TMEM131: variants seen among roughly 807,000 people sequenced by gnomAD.
The protein encoded by TMEM131 is 2610524E03Rik.
TMEM131 carries 66 observed loss-of-function variants against 211.6 expected under a neutral mutation model. That is an observed-to-expected ratio of 0.31 (90% confidence interval 0.26 to 0.38). The LOEUF is 0.38. Ranked by LOEUF, TMEM131 falls within the 10% of genes least tolerant of loss-of-function variation. The pLI, the probability that TMEM131 is intolerant of heterozygous loss-of-function variation, is 1.00. For synonymous variants in TMEM131, 844 were observed against 841.3 expected, an observed-to-expected ratio of 1.00 and a Z score of -0.06; for missense variants, 2,036 against 2,299.3, an observed-to-expected ratio of 0.89 and a Z score of 2.34.
intron 1 of TMEM131, among the ~76,000 whole-genome samples, chr2:97,932,013 GA>G (rs1324624077): frequency 2.6e-5 from 4 of 151,690 alleles, no homozygotes. Context: ...AAGCAAGTCT[GA>G]AAAACATAAG....
chr2:97,822,671 TC>T (rs1173338708), intron 11 of TMEM131, among the ~76,000 whole-genome samples: 1 of 152,156 alleles, frequency 6.6e-6, no homozygotes, highest in African/African-American at 2.4e-5. Context: ...TCCTTGGTCC[TC>T]CTTGTGGTCT....
In TMEM131 at chr2:97,818,768, G is replaced by A. The variant is rs2104996368; in HGVS notation, c.1075-47C>T. ...ATACATGGCATTATTTCAGACTAAT[G>A]GTTCAGTTGCCTTATACTTATACTG... On this transcript the variant is annotated intron_variant, in intron 11 of 40. Coordinates refer to ENST00000186436, the MANE Select transcript of TMEM131 (RefSeq NM_015348.2). The A allele has an allele frequency of 3.1e-6, 4 of 1,272,914 alleles. No individual in the cohort carries two copies. In the South Asian group the frequency reaches 5.2e-5, roughly 17 times the overall value. The allele number at this position is 1,272,914 out of a possible 1,614,324, so 78.9% of individuals were successfully genotyped here. A position where few individuals can be genotyped will look rare whatever the true frequency, so the allele number is the denominator to read the frequency against.
chr2:97,768,644 G>T (rs759748811), intron 33 of TMEM131, among the ~76,000 whole-genome samples: 2 of 152,200 alleles, frequency 1.3e-5, no homozygotes, highest in Non-Finnish European at 2.9e-5. Context: ...AGGCTGGAGT[G>T]CAGTGGCACG....
rs185844815 is a variant in TMEM131, at chr2:97,932,972, T to C, written c.188-5485A>G. 2.8e-3 allele frequency among the ~76,000 whole-genome samples: 427 copies of C among 152,360 alleles called. 11 individuals carry two copies. Among genetic ancestry groups the C allele is most frequent in the Admixed American group, 0.025 (383 of 15,300 alleles). ...ACTGTATTTACTGTACCCTTTTCTA[T>C]GTTTAGATACACGAAAACTTGCCAT... On this transcript the variant is annotated intron_variant, in intron 1 of 40. Transcript: ENST00000186436.
chr2:97,993,372 C>T (rs978414694), intron 1 of TMEM131, among the ~76,000 whole-genome samples: 3 of 152,122 alleles, frequency 2.0e-5, no homozygotes, highest in Admixed American at 2.0e-4. Context: ...TGTATTTGTG[C>T]CTCATCAGAT....
At chr2:97,775,698 C>T (rs1036979172) in intron 32 of TMEM131, 145 bp downstream of exon 32, 50 of 923,898 alleles carry the variant, frequency 5.4e-5, no homozygotes, top group Middle Eastern at 3.4e-4. Context: ...ACGCCCAGCA[C>T]AGGAACCATT....
chr2:97,781,862 T>A (rs1039203568), intron 31 of TMEM131, among the ~76,000 whole-genome samples: 1 of 152,184 alleles, frequency 6.6e-6, no homozygotes, highest in African/African-American at 2.4e-5. Context: ...AGCTATCTCT[T>A]GCCAAAGGTG....
Position 97,796,355 on chromosome 2 carries a change from T to C in TMEM131, c.3063A>G (p.Val1021=), listed in dbSNP as rs1230259267. The change falls in exon 28 of 41, where the codon GTA becomes GTG. Residue 1021 remains valine (V), a synonymous_variant. Coordinates refer to ENST00000186436, the MANE Select transcript of TMEM131 (RefSeq NM_015348.2). Reference sequence around the variant, plus strand: ...GAATTTGAAGTTGTCCTGTATTCTCTACCTTAAATGTTCTTTTCAATGTGA... The same window carrying C: ...GAATTTGAAGTTGTCCTGTATTCTCCACCTTAAATGTTCTTTTCAATGTGA... The part of the protein sequence containing the change: ...PNFTLKRTFK[V]ENTGQLQIHI... 1.3e-6 allele frequency: 2 copies of C among 1,545,400 alleles called. No individual in the cohort carries two copies. Among genetic ancestry groups the C allele is most frequent in the African/African-American group, 2.8e-5 (2 of 72,542 alleles).
chr2:97,882,117 A>G lies in TMEM131; in HGVS notation c.359+5935T>C, dbSNP rs146957390. Among the ~76,000 whole-genome samples the G allele has an allele frequency of 8.5e-4, 129 of 152,324 alleles. 1 individual carries two copies. The East Asian group carries it at 0.02, about 23-fold the overall frequency. ...AATTACTAAGCAAATTCTTTCAACCATATCTCTCTTCATTTTCTAGAGTCA... is the reference window on the plus strand; with the variant it reads ...AATTACTAAGCAAATTCTTTCAACCGTATCTCTCTTCATTTTCTAGAGTCA... On this transcript the variant is annotated intron_variant, in intron 4 of 40. Coordinates refer to ENST00000186436, the MANE Select transcript of TMEM131 (RefSeq NM_015348.2).
intron 29 of TMEM131, among the ~76,000 whole-genome samples, chr2:97,793,822 G>A (rs1449204585): frequency 2.0e-5 from 3 of 151,328 alleles, no homozygotes; most frequent in Admixed American, 1.3e-4. Context: ...GTGAAACCCC[G>A]TCTCTACTAA....
chr2:97,993,902 G>C (rs914242415), intron 1 of TMEM131, among the ~76,000 whole-genome samples: 1 of 152,200 alleles, frequency 6.6e-6, no homozygotes, highest in African/African-American at 2.4e-5. Flanking sequence ...AGCAGCAGTA[G>C]AAGGAAAATA....
chr2:97,803,755 G>C (rs1030986287), intron 22 of TMEM131, among the ~76,000 whole-genome samples: 2 of 152,206 alleles, frequency 1.3e-5, no homozygotes, highest in Non-Finnish European at 2.9e-5. Context: ...GGGACACAGA[G>C]AGGAGGGCAG....
intron 7 of TMEM131, among the ~76,000 whole-genome samples, chr2:97,839,015 A>G (rs532456751): frequency 6.6e-6 from 1 of 152,308 alleles, no homozygotes; most frequent in Non-Finnish European, 1.5e-5. Context: ...GCAAACAAGC[A>G]TAACAATGCT....
chr2:97,956,733 C>T (rs1678584203), intron 1 of TMEM131, among the ~76,000 whole-genome samples: 1 of 151,566 alleles, frequency 6.6e-6, no homozygotes, highest in South Asian at 2.1e-4. Context: ...AATACATGGT[C>T]CAAAAATTTT....
intron 1 of TMEM131, among the ~76,000 whole-genome samples, chr2:97,942,443 T>C (rs1290924639): frequency 2.0e-5 from 3 of 150,924 alleles, no homozygotes; most frequent in Admixed American, 6.6e-5. Context: ...ACCTGCACGT[T>C]GTGCACATGT....
chr2:97,861,542 A>G (rs1469850665), intron 4 of TMEM131, among the ~76,000 whole-genome samples: 1 of 151,816 alleles, frequency 6.6e-6, no homozygotes, highest in Non-Finnish European at 1.5e-5. Context: ...CTGACTGAAG[A>G]GCCCTTGGGC....
intron 32 of TMEM131, among the ~76,000 whole-genome samples, chr2:97,773,957 C>T (rs903046316): frequency 1.3e-5 from 2 of 152,094 alleles, no homozygotes; most frequent in Admixed American, 6.6e-5. Context: ...TGGGGAAGGA[C>T]GTACTCAGCA....
chr2:97,801,591 G>A (rs556119307), intron 25 of TMEM131, among the ~76,000 whole-genome samples: 1 of 152,254 alleles, frequency 6.6e-6, no homozygotes, highest in African/African-American at 2.4e-5. Flanking sequence ...AATCAATGAT[G>A]TATTAATATT....
rs556090772 is a variant in TMEM131, at chr2:97,886,075, T to A, written c.359+1977A>T. Reference sequence around the variant, plus strand: ...TTGAAGCTCTTGACTGTATTTTTTATTTCACTCATTGAATTCTTCAGCTCT... The same window carrying A: ...TTGAAGCTCTTGACTGTATTTTTTAATTCACTCATTGAATTCTTCAGCTCT... On this transcript the variant is annotated intron_variant, in intron 4 of 40. Transcript: ENST00000186436. Among the ~76,000 whole-genome samples, 4 of 152,272 alleles carry A rather than the reference T, an allele frequency of 2.6e-5. No individual in the cohort carries two copies. In the East Asian group the frequency reaches 7.7e-4, roughly 29 times the overall value.
Sources: allele counts gnomAD v4.1 joint callset (sites outside exome capture counted in the v4.1 genomes callset), GRCh38; gene constraint gnomAD v4.1.1; transcripts MANE v1.5; gene names NCBI Gene and HGNC (gene_info 2026-07-23, HGNC 2026-07-21).